Variants in ANO3 observed in about 807,000 individuals in gnomAD.
ANO3 encodes anoctamin 3, also known as anoctamin-3.
ANO3 carries 99 observed loss-of-function variants against 144.8 expected under a neutral mutation model. That is an observed-to-expected ratio of 0.68 (90% CI 0.58 to 0.81). The LOEUF is 0.81. Ranked by LOEUF, ANO3 falls within the 30% of genes least tolerant of loss-of-function variation. The pLI, the probability that ANO3 is intolerant of heterozygous loss-of-function variation, is 0.00. For missense variants in ANO3, 905 were observed against 1,202.2 expected, an observed-to-expected ratio of 0.75 and a Z score of 3.66; for synonymous variants, 414 against 392.6, an observed-to-expected ratio of 1.05 and a Z score of -0.64.
chr11:26,310,772 T>C (rs1209807901), intron 1 of ANO3, among the ~76,000 whole-genome samples: 1 of 152,202 alleles, frequency 6.6e-6, no homozygotes, highest in Non-Finnish European at 1.5e-5. Context: ...TATTATAGTA[T>C]ATTCTGTGAA....
At chr11:26,635,222 C>A in intron 20 of ANO3, 152 bp downstream of exon 20, 1 of 575,838 alleles carries the variant, frequency 1.7e-6, no homozygotes, top group Non-Finnish European at 2.9e-6. Flanking sequence ...TACATCTTTT[C>A]AAAAAAGGGG....
intron 1 of ANO3, among the ~76,000 whole-genome samples, chr11:26,292,587 A>T (rs927893931): frequency 6.6e-6 from 1 of 152,100 alleles, no homozygotes; most frequent in Non-Finnish European, 1.5e-5. Context: ...TGACCTACAG[A>T]TGAGGTTTTG....
At chr11:26,477,879 A>C (rs1166446470) in intron 4 of ANO3, among the ~76,000 whole-genome samples, 1 of 152,170 alleles carries the variant, frequency 6.6e-6, no homozygotes, top group South Asian at 2.1e-4. Flanking sequence ...TTAATAAAAC[A>C]ATTGAGAGAT....
At chr11:26,509,008 T>A (rs1224818590) in intron 5 of ANO3, among the ~76,000 whole-genome samples, 1 of 151,432 alleles carries the variant, frequency 6.6e-6, no homozygotes, top group African/African-American at 2.4e-5. Flanking sequence ...CCTCAGTAAA[T>A]TTTCTATATA....
chr11:26,313,446 G>A (rs1854547175), intron 1 of ANO3, among the ~76,000 whole-genome samples: 1 of 152,142 alleles, frequency 6.6e-6, no homozygotes, highest in Admixed American at 6.5e-5. Context: ...CAGCACTTTG[G>A]GAGGCTGAGG....
chr11:26,523,416 C>G (rs1862164711), intron 6 of ANO3, among the ~76,000 whole-genome samples: 1 of 152,190 alleles, frequency 6.6e-6, no homozygotes, highest in Non-Finnish European at 1.5e-5. Context: ...CGCAAGGCAT[C>G]CGCCAAAGTT....
At chr11:26,478,731 G>T (rs2134083724) in intron 4 of ANO3, among the ~76,000 whole-genome samples, 1 of 152,092 alleles carries the variant, frequency 6.6e-6, no homozygotes, top group African/African-American at 2.4e-5. Context: ...AGGCAGTTTT[G>T]TCTGTCTTGA....
intron 10 of ANO3, among the ~76,000 whole-genome samples, chr11:26,540,569 C>T (rs1188086689): frequency 6.6e-6 from 1 of 151,970 alleles, no homozygotes; most frequent in Admixed American, 6.6e-5. Context: ...GGGCTAATAT[C>T]CAGAATCTGC....
At position 26,262,299 on chromosome 11, in the gene ANO3, A is replaced by C. The variant is rs186035109; in HGVS notation, c.155-47346A>C. On this transcript the variant is annotated intron_variant, in intron 1 of 27. Transcript: ENST00000672621. Reference sequence around the variant, plus strand: ...ATTGAAGTAACCTACCATCCTGTCAATACTCTTCTTCATCTAGTTAAATTT... The same window carrying C: ...ATTGAAGTAACCTACCATCCTGTCACTACTCTTCTTCATCTAGTTAAATTT... 5.3e-5 allele frequency among the ~76,000 whole-genome samples: 8 copies of C among 152,222 alleles called. No individual in the cohort carries two copies. In the East Asian group the frequency reaches 1.4e-3, roughly 26 times the overall value.
intron 1 of ANO3, among the ~76,000 whole-genome samples, chr11:26,295,709 A>G (rs1854073612): frequency 6.6e-6 from 1 of 152,152 alleles, no homozygotes; most frequent in Non-Finnish European, 1.5e-5. Flanking sequence ...ATCAGTTGTC[A>G]AATCAGATTA....
At chr11:26,595,457 G>GTTTTTTTTTTTTTTT (rs1411703035) in intron 14 of ANO3, among the ~76,000 whole-genome samples, 19 of 67,844 alleles carry the variant, frequency 2.8e-4, no homozygotes, top group African/African-American at 5.2e-4. Context: ...TTGAGATAGA[G>GTTTTTTTTTTTTTTT]TTGTTTTTTT....
intron 1 of ANO3, among the ~76,000 whole-genome samples, chr11:26,249,018 G>A (rs1434286219): frequency 6.6e-6 from 1 of 152,054 alleles, no homozygotes; most frequent in Non-Finnish European, 1.5e-5. Context: ...CCACAAAACC[G>A]GTCCCTGGTG....
intron 14 of ANO3, among the ~76,000 whole-genome samples, chr11:26,575,020 C>A (rs1020935728): frequency 1.3e-5 from 2 of 151,896 alleles, no homozygotes; most frequent in African/African-American, 4.8e-5. Flanking sequence ...TTTAATTCGA[C>A]CATAGTTAAA....
chr11:26,254,584 G>C (rs1442336492), intron 1 of ANO3, among the ~76,000 whole-genome samples: 1 of 152,084 alleles, frequency 6.6e-6, no homozygotes, highest in Non-Finnish European at 1.5e-5. Context: ...ATTCTACTCA[G>C]AATTCCACTA....
chr11:26,627,268 CT>C (rs1240108425), intron 18 of ANO3, among the ~76,000 whole-genome samples: 10 of 151,868 alleles, frequency 6.6e-5, no homozygotes, highest in African/African-American at 2.4e-4. Flanking sequence ...TATCATTAAG[CT>C]TTTTCCTCTC....
chr11:26,660,194 G>T, intron 26 of ANO3, 68 bp from the exon 27 acceptor site: 2 of 1,409,790 alleles, frequency 1.4e-6, no homozygotes. Context: ...ATTGTTCATT[G>T]TTGTACTGTT....
At chr11:26,550,186 T>C (rs1331285170) in intron 12 of ANO3, among the ~76,000 whole-genome samples, 1 of 151,444 alleles carries the variant, frequency 6.6e-6, no homozygotes, top group Non-Finnish European at 1.5e-5. Flanking sequence ...GATTAATATA[T>C]AATTATTACA....
At chr11:26,609,016 C>G (rs57549189) in intron 17 of ANO3, among the ~76,000 whole-genome samples, 53 of 152,262 alleles carry the variant, frequency 3.5e-4, no homozygotes, top group African/African-American at 1.3e-3. Flanking sequence ...AGTTGAGAGG[C>G]TTTTGAGAAT....
At chr11:26,402,608 A>G (rs1296391859) in intron 1 of ANO3, among the ~76,000 whole-genome samples, 1 of 151,930 alleles carries the variant, frequency 6.6e-6, no homozygotes, top group Non-Finnish European at 1.5e-5. Context: ...TAACCCAGGA[A>G]CAGAAAACTG....
Sources: gnomAD v4.1 joint callset for allele counts (sites outside exome capture counted in the v4.1 genomes callset) on GRCh38, gnomAD v4.1.1 for gene constraint, MANE v1.5 for transcripts, NCBI Gene and HGNC (gene_info 2026-07-23, HGNC 2026-07-21) for gene names.